The following GDF6 variants were observed in gnomAD, a reference collection of about 807,000 sequenced individuals.
The protein encoded by GDF6 is growth/differentiation factor 6.
Under a neutral mutation model 32.4 loss-of-function variants are expected in GDF6, and 3 were observed. That is an observed-to-expected ratio of 0.09 (90% CI 0.04 to 0.24). The LOEUF (loss-of-function observed/expected upper bound fraction) is 0.24, where lower values mean the gene tolerates loss of function less well. Ranked by LOEUF, GDF6 falls within the 10% of genes least tolerant of loss-of-function variation. GDF6 has a pLI of 1.00. For missense variants in GDF6, 589 were observed against 637.9 expected, an observed-to-expected ratio of 0.92 and a Z score of 0.83; for synonymous variants, 296 against 295.3, an observed-to-expected ratio of 1.00 and a Z score of -0.03.
chr8:96,148,154 G>A (rs868747238), intron 1 of GDF6, among the ~76,000 whole-genome samples: 77 of 152,170 alleles, frequency 5.1e-4, no homozygotes, highest in African/African-American at 1.8e-3. Context: ...CCCTTTCCAC[G>A]TTTCAGTGCA....
chr8:96,144,284 G>A lies in GDF6; in HGVS notation c.*279C>T, dbSNP rs1036705407. The A allele has an allele frequency of 4.0e-5, 19 of 480,668 alleles. No homozygotes were observed. The highest frequency in any genetic ancestry group is 1.2e-3 in the Middle Eastern group (2 of 1,626). The allele number at this position is 480,668 out of a possible 1,614,324, so 29.8% of individuals were successfully genotyped here. A position where few individuals can be genotyped will look rare whatever the true frequency, so the allele number is the denominator to read the frequency against. On this transcript the variant is annotated 3_prime_UTR_variant, in exon 2 of 2. Coordinates refer to ENST00000287020, the MANE Select transcript of GDF6 (RefSeq NM_001001557.4). This position sits in a 1 kb window ranked among gnomAD's most constrained non-coding sequence, Gnocchi z 5.1. ...AGAGAGAGAGAGAGAGAGAGAGAGA[G>A]AGAGAGAAAACAGAACAAAAGAAAT...
rs965155913 is a variant in GDF6 at position 96,144,383 on chromosome 8, G to T, written c.*180C>A. ...ATATTTCCCTCTGGGCTGGCAGGTA[G>T]AAGTTACTGGGAAGGCTGCGCTCCC... On this transcript the variant is annotated 3_prime_UTR_variant, in exon 2 of 2. Transcript: ENST00000287020. The surrounding 1 kb of genome is among the most constrained non-coding windows in gnomAD (Gnocchi z 5.1). The T allele has an allele frequency of 2.5e-5, 17 of 673,702 alleles. No individual in the cohort carries two copies. The highest frequency in any genetic ancestry group is 4.2e-5 in the Non-Finnish European group (17 of 404,478). The allele number at this position is 673,702 out of a possible 1,614,324, so 41.7% of individuals were successfully genotyped here. A position where few individuals can be genotyped will look rare whatever the true frequency, so the allele number is the denominator to read the frequency against.
rs1469311696 is a variant in GDF6 at position 96,149,571 on chromosome 8, G to T, written c.407-4047C>A. On this transcript the variant is annotated intron_variant, in intron 1 of 1. Coordinates refer to ENST00000287020, the MANE Select transcript of GDF6 (RefSeq NM_001001557.4). Reference sequence around the variant, plus strand: ...ACCTCAAACATATATTTCTGGTGTAGAATTTAGGAAAAATTTAAAAGAGGG... The same window carrying T: ...ACCTCAAACATATATTTCTGGTGTATAATTTAGGAAAAATTTAAAAGAGGG... 2.6e-5 allele frequency among the ~76,000 whole-genome samples: 4 copies of T among 152,242 alleles called. No homozygotes were observed. In the South Asian group the frequency reaches 6.2e-4, roughly 24 times the overall value.
rs1812738804 is a variant in GDF6, at chr8:96,160,351, A to G, written c.342T>C (p.Asn114=). ...ACTTGGAAGACTGGAAAAAGCTGGCATTGATGCCCAGCTTCTCAGCGATGG... is the reference window on the plus strand; with the variant it reads ...ACTTGGAAGACTGGAAAAAGCTGGCGTTGATGCCCAGCTTCTCAGCGATGG... The part of the protein sequence containing the change: ...TYSIAEKLGI[N]ASFFQSSKSA... Residue 114 remains asparagine (N), a synonymous_variant, in exon 1 of 2, where the codon AAT becomes AAC. Transcript: ENST00000287020. 1 of 1,614,210 alleles carries G rather than the reference A, an allele frequency of 6.2e-7. No homozygotes were observed. The highest frequency in any genetic ancestry group is 1.1e-5 in the South Asian group (1 of 91,092).
chr8:96,144,163 GAGAAACGGGTATGCATCT>G lies in GDF6; in HGVS notation c.*382_*399del. 4.4e-6 allele frequency: 1 copy of G among 227,712 alleles called. No homozygotes were observed. Among genetic ancestry groups the G allele is most frequent in the Non-Finnish European group, 8.8e-6 (1 of 113,936 alleles). 14.1% of individuals were successfully genotyped at this position (227,712 alleles called of 1,614,324 possible). On this transcript the variant is annotated 3_prime_UTR_variant, in exon 2 of 2. Coordinates refer to ENST00000287020, the MANE Select transcript of GDF6 (RefSeq NM_001001557.4). The surrounding 1 kb of genome is among the most constrained non-coding windows in gnomAD (Gnocchi z 5.1). ...TATTTTTTCAATCCATGGAGCAGTT[GAGAAACGGGTATGCATCT>G]CTCCTCCCCTCCCCTTCTATCAAAG...
chr8:96,160,775 G>T lies in GDF6; in HGVS notation c.-83C>A, dbSNP rs1235023562. 3 of 1,408,984 alleles carry T rather than the reference G, an allele frequency of 2.1e-6. No individual in the cohort carries two copies. Among genetic ancestry groups the T allele is most frequent in the Admixed American group, 4.0e-5 (2 of 49,888 alleles). The allele number at this position is 1,408,984 out of a possible 1,614,324, so 87.3% of individuals were successfully genotyped here. On this transcript the variant is annotated 5_prime_UTR_variant, in exon 1 of 2. Transcript: ENST00000287020. ...GGCACGGAGCGGCTGGACAGCGGCC[G>T]GGGCCCGGCTCCTCGGGCGGACTCG...
At position 96,145,533 on chromosome 8, in the gene GDF6, T is replaced by C; in HGVS notation, c.407-9A>G. The C allele has an allele frequency of 3.1e-6, 5 of 1,597,646 alleles. No individual in the cohort carries two copies. Among genetic ancestry groups the C allele is most frequent in the Non-Finnish European group, 4.2e-6 (5 of 1,179,576 alleles). ...AGTGTGCGAGAGATCGTCTGCGAGA[T>C]AAAAAATAATTACAGTCAGTTTCAC... On this transcript the variant is annotated splice_polypyrimidine_tract_variant and intron_variant, in intron 1 of 1. Coordinates refer to ENST00000287020, the MANE Select transcript of GDF6 (RefSeq NM_001001557.4). The surrounding 1 kb of genome is among the most constrained non-coding windows in gnomAD (Gnocchi z 5.6).
chr8:96,152,395 G>A (rs911150113), intron 1 of GDF6, among the ~76,000 whole-genome samples: 1 of 152,162 alleles, frequency 6.6e-6, no homozygotes, highest in African/African-American at 2.4e-5. Flanking sequence ...TAACCCAAAT[G>A]ACTCCCTGGC....
intron 1 of GDF6, among the ~76,000 whole-genome samples, chr8:96,150,951 G>A (rs1812559424): frequency 6.6e-6 from 1 of 152,162 alleles, no homozygotes; most frequent in Non-Finnish European, 1.5e-5. Context: ...GCACTGAGGG[G>A]GCAAAGTCCA....
chr8:96,155,598 A>G (rs1812647676), intron 1 of GDF6, among the ~76,000 whole-genome samples: 1 of 152,198 alleles, frequency 6.6e-6, no homozygotes, highest in Non-Finnish European at 1.5e-5. Context: ...GCACCCTCAT[A>G]CGCACACACT....
chr8:96,144,288 G>GAGAA lies in GDF6; in HGVS notation c.*271_*274dup. ...AGAGAGAGAGAGAGAGAGAGAGAGA[G>GAGAA]AGAAAACAGAACAAAAGAAATCCTC... On this transcript the variant is annotated 3_prime_UTR_variant, in exon 2 of 2. Transcript: ENST00000287020. The surrounding 1 kb of genome is among the most constrained non-coding windows in gnomAD (Gnocchi z 5.1). 1 of 465,796 alleles carries GAGAA rather than the reference G, an allele frequency of 2.1e-6. No individual in the cohort carries two copies. Among genetic ancestry groups the GAGAA allele is most frequent in the Non-Finnish European group, 3.9e-6 (1 of 256,076 alleles). 28.9% of individuals were successfully genotyped at this position (465,796 alleles called of 1,614,324 possible).
intron 1 of GDF6, among the ~76,000 whole-genome samples, chr8:96,158,631 C>T (rs1038026810): frequency 1.3e-5 from 2 of 152,202 alleles, no homozygotes; most frequent in African/African-American, 4.8e-5. Flanking sequence ...GAGCAGTCTT[C>T]TCTGAGCTTC....
rs1447795512 is a variant in GDF6 at position 96,145,754 on chromosome 8, C to G, written c.407-230G>C. ...CTCCTTCGCGTCAGCTCCGGACTCT[C>G]AGGGCGGAAGTCGGTGGCTGCTGGC... On this transcript the variant is annotated intron_variant, in intron 1 of 1. Coordinates refer to ENST00000287020, the MANE Select transcript of GDF6 (RefSeq NM_001001557.4). The surrounding 1 kb of genome is among the most constrained non-coding windows in gnomAD (Gnocchi z 5.6). 6.6e-6 allele frequency among the ~76,000 whole-genome samples: 1 copy of G among 152,142 alleles called. No homozygotes were observed. Among genetic ancestry groups the G allele is most frequent in the African/African-American group, 2.4e-5 (1 of 41,444 alleles).
intron 1 of GDF6, among the ~76,000 whole-genome samples, chr8:96,146,681 T>TACACACAC (rs370283680): frequency 6.8e-6 from 1 of 146,200 alleles, no homozygotes; most frequent in Admixed American, 6.8e-5. Flanking sequence ...GACAATTAGA[T>TACACACAC]ACACACACAC....
intron 1 of GDF6, among the ~76,000 whole-genome samples, chr8:96,155,170 A>G (rs1323312689): frequency 6.6e-6 from 1 of 152,246 alleles, no homozygotes. Context: ...GAACTCCCAG[A>G]GGCCCGAGAG....
Position 96,145,982 on chromosome 8 carries a change from T to C in GDF6, c.407-458A>G, listed in dbSNP as rs957831232. Among the ~76,000 whole-genome samples the C allele has an allele frequency of 1.3e-5, 2 of 152,332 alleles. No individual in the cohort carries two copies. The highest frequency in any genetic ancestry group is 4.1e-4 in the South Asian group (2 of 4,826). On this transcript the variant is annotated intron_variant, in intron 1 of 1. Transcript: ENST00000287020. This position sits in a 1 kb window ranked among gnomAD's most constrained non-coding sequence, Gnocchi z 5.6. Reference sequence around the variant, plus strand: ...TGATCTAAGGTAGCCTCTCCAGGTCTCTATCACAGGACTGGCTTGATTATC... The same window carrying C: ...TGATCTAAGGTAGCCTCTCCAGGTCCCTATCACAGGACTGGCTTGATTATC...
intron 1 of GDF6, among the ~76,000 whole-genome samples, chr8:96,155,675 C>T (rs892647610): frequency 1.3e-5 from 2 of 152,216 alleles, no homozygotes; most frequent in Non-Finnish European, 2.9e-5. Flanking sequence ...TAGATTGGAA[C>T]CTTCTGCCCA....
chr8:96,159,195 TC>T (rs1359395598), intron 1 of GDF6, among the ~76,000 whole-genome samples: 1 of 152,220 alleles, frequency 6.6e-6, no homozygotes, highest in Non-Finnish European at 1.5e-5. Flanking sequence ...ATCGCTTTTA[TC>T]CCGTCATTTT....
chr8:96,154,487 G>A (rs772466433), intron 1 of GDF6, among the ~76,000 whole-genome samples: 3 of 152,056 alleles, frequency 2.0e-5, no homozygotes, highest in Non-Finnish European at 4.4e-5. Context: ...AACCGACTTA[G>A]AGTTTAAAAA....
Sources: allele counts gnomAD v4.1 joint callset (sites outside exome capture counted in the v4.1 genomes callset), GRCh38; gene constraint gnomAD v4.1.1; non-coding constraint Gnocchi (gnomAD v3.1); transcripts MANE v1.5; gene names NCBI Gene and HGNC (gene_info 2026-07-23, HGNC 2026-07-21).